Variants in ATXN7L1 observed in about 807,000 individuals in gnomAD.
ATXN7L1 encodes ataxin 7 like 1, also known as ataxin-7-like protein 1.
Under a neutral mutation model 70.8 loss-of-function variants are expected in ATXN7L1, and 15 were observed. The ratio of observed to expected loss-of-function variants is 0.21; its 90% CI spans 0.14 to 0.33. The LOEUF (loss-of-function observed/expected upper bound fraction) is 0.33. ATXN7L1 is among the 10% of genes least tolerant of loss of function. ATXN7L1 has a pLI of 1.00. For missense variants in ATXN7L1, 975 were observed against 1,097.1 expected, an observed-to-expected ratio of 0.89 and a Z score of 1.57; for synonymous variants, 440 against 445.1, an observed-to-expected ratio of 0.99 and a Z score of 0.14.
At chr7:105,829,530 G>C (rs534187722) in intron 2 of ATXN7L1, among the ~76,000 whole-genome samples, 1 of 152,298 alleles carries the variant, frequency 6.6e-6, no homozygotes, top group East Asian at 1.9e-4. Context: ...GGCCAGCATG[G>C]AGGAAGGAGG....
At chr7:105,742,969 T>G (rs935047423) in intron 3 of ATXN7L1, among the ~76,000 whole-genome samples, 1 of 152,052 alleles carries the variant, frequency 6.6e-6, no homozygotes, top group Non-Finnish European at 1.5e-5. Context: ...CTTCCAGTCC[T>G]TATCTCCCCA....
intron 3 of ATXN7L1, among the ~76,000 whole-genome samples, chr7:105,669,327 C>T (rs1803161535): frequency 6.6e-6 from 1 of 152,108 alleles, no homozygotes; most frequent in Non-Finnish European, 1.5e-5. Context: ...AGTGATCCGC[C>T]TGCTGGGATT....
At chr7:105,692,849 C>T (rs959543414) in intron 3 of ATXN7L1, among the ~76,000 whole-genome samples, 3 of 149,806 alleles carry the variant, frequency 2.0e-5, no homozygotes, top group African/African-American at 4.9e-5. Context: ...GCGATCCTCC[C>T]GATTCAGCCT....
intron 3 of ATXN7L1, chr7:105,678,109 T>TTTC (rs1562992963): frequency 1.3e-5 from 8 of 600,528 alleles, no homozygotes; most frequent in Non-Finnish European, 1.7e-5. Flanking sequence ...TTTTTTTTTT[T>TTTC]CCTTTCTGGC....
chr7:105,763,809 C>T lies in ATXN7L1; in HGVS notation c.355+24795G>A, dbSNP rs561700270. 1.1e-3 allele frequency among the ~76,000 whole-genome samples: 172 copies of T among 152,118 alleles called. 1 individual carries two copies. Among genetic ancestry groups the T allele is most frequent in the Admixed American group, 2.5e-3 (38 of 15,270 alleles). On this transcript the variant is annotated intron_variant, in intron 3 of 11. Transcript: ENST00000419735. ...GTGGCAATCTGATAGTCACTTCCTT[C>T]ATAATTATACATGGGGCAAAATGTA...
chr7:105,759,449 AGTGTGT>A (rs34887279), intron 3 of ATXN7L1, among the ~76,000 whole-genome samples: 124 of 60,512 alleles, frequency 2.0e-3, no homozygotes, highest in Middle Eastern at 8.5e-3. Context: ...TTGGATAGTG[AGTGTGT>A]GTGTGTGTGT....
chr7:105,698,860 T>C (rs1423285390), intron 3 of ATXN7L1, among the ~76,000 whole-genome samples: 1 of 152,234 alleles, frequency 6.6e-6, no homozygotes, highest in African/African-American at 2.4e-5. Context: ...AACTTTGCTA[T>C]GTGTTTTAAA....
intron 3 of ATXN7L1, among the ~76,000 whole-genome samples, chr7:105,671,785 G>A (rs1803745816): frequency 6.8e-6 from 1 of 146,564 alleles, no homozygotes; most frequent in Non-Finnish European, 1.5e-5. Context: ...AGCTACTTAG[G>A]AGGCTGAGGT....
chr7:105,799,879 T>C (rs1215955060), intron 2 of ATXN7L1, among the ~76,000 whole-genome samples: 1 of 152,032 alleles, frequency 6.6e-6, no homozygotes, highest in Non-Finnish European at 1.5e-5. Context: ...AATGGGTGCT[T>C]ATAAAGGGAA....
At chr7:105,765,455 G>A (rs1801127898) in intron 3 of ATXN7L1, among the ~76,000 whole-genome samples, 1 of 152,118 alleles carries the variant, frequency 6.6e-6, no homozygotes, top group Non-Finnish European at 1.5e-5. Context: ...AGCAGATGTA[G>A]CAAACACATA....
At chr7:105,699,388 T>C (rs1330981170) in intron 3 of ATXN7L1, among the ~76,000 whole-genome samples, 1 of 152,190 alleles carries the variant, frequency 6.6e-6, no homozygotes, top group Non-Finnish European at 1.5e-5. Context: ...TGCCTCAGCC[T>C]CCCAAAGTGC....
chr7:105,842,045 T>C (rs1260343533), intron 2 of ATXN7L1, among the ~76,000 whole-genome samples: 3 of 152,156 alleles, frequency 2.0e-5, no homozygotes, highest in African/African-American at 7.2e-5. Flanking sequence ...CTAGAATTCT[T>C]TGGCTCCCAG....
At chr7:105,826,121 G>A (rs1016134208) in intron 2 of ATXN7L1, among the ~76,000 whole-genome samples, 4 of 152,234 alleles carry the variant, frequency 2.6e-5, no homozygotes, top group Non-Finnish European at 4.4e-5. Context: ...GTTGCCTCTA[G>A]GGAGACAGGA....
chr7:105,747,544 C>T (rs976196491), intron 3 of ATXN7L1, among the ~76,000 whole-genome samples: 2 of 152,188 alleles, frequency 1.3e-5, no homozygotes, highest in African/African-American at 4.8e-5. Context: ...ATGTGTTTCC[C>T]TGAGTTCTGT....
At chr7:105,772,395 C>T (rs1025733822) in intron 3 of ATXN7L1, among the ~76,000 whole-genome samples, 12 of 151,944 alleles carry the variant, frequency 7.9e-5, no homozygotes, top group Non-Finnish European at 1.6e-4. Context: ...TTTAAAAAGC[C>T]AGCGATATAC....
chr7:105,844,402 C>T (rs191913647), intron 2 of ATXN7L1, among the ~76,000 whole-genome samples: 1 of 152,188 alleles, frequency 6.6e-6, no homozygotes, highest in African/African-American at 2.4e-5. Flanking sequence ...GGAATTTATC[C>T]CAGCAATGCA....
At chr7:105,842,380 T>C (rs1308792002) in intron 2 of ATXN7L1, among the ~76,000 whole-genome samples, 1 of 152,190 alleles carries the variant, frequency 6.6e-6, no homozygotes, top group Non-Finnish European at 1.5e-5. Flanking sequence ...ATTCCCCTTT[T>C]TGCTCAGCCT....
At chr7:105,661,758 G>C (rs1801643917) in intron 4 of ATXN7L1, among the ~76,000 whole-genome samples, 1 of 152,166 alleles carries the variant, frequency 6.6e-6, no homozygotes, top group South Asian at 2.1e-4. Context: ...TGGGTAAATG[G>C]ATGACAGCCA....
intron 3 of ATXN7L1, among the ~76,000 whole-genome samples, chr7:105,739,342 T>C (rs146929856): frequency 2.0e-5 from 3 of 152,310 alleles, no homozygotes; most frequent in Non-Finnish European, 4.4e-5. Context: ...GAAGAACCTA[T>C]ATTTTAACAA....
Sources: allele counts gnomAD v4.1 joint callset (sites outside exome capture counted in the v4.1 genomes callset), GRCh38; gene constraint gnomAD v4.1.1; transcripts MANE v1.5; gene names NCBI Gene and HGNC (gene_info 2026-07-23, HGNC 2026-07-21).